Variants in CHD5 observed in about 807,000 individuals in gnomAD.
The protein encoded by CHD5 is ATP-dependent chromatin remodeler CHD5.
A neutral mutation model predicts 230.3 loss-of-function variants in CHD5; 69 were observed. The observed-to-expected ratio is 0.30, with a 90% CI of 0.25 to 0.37. The LOEUF is 0.37. Among genes scored for constraint, CHD5 ranks in the 10% least tolerant of loss-of-function variants. The pLI, the probability that CHD5 is intolerant of heterozygous loss-of-function variation, is 1.00. For missense variants in CHD5, 1,827 were observed against 2,622.8 expected, an observed-to-expected ratio of 0.70 and a Z score of 6.63; for synonymous variants, 1,064 against 1,065.9, an observed-to-expected ratio of 1.00 and a Z score of 0.03.
intron 3 of CHD5, among the ~76,000 whole-genome samples, chr1:6,156,187 G>C (rs1667078603): frequency 6.6e-6 from 1 of 152,228 alleles, no homozygotes; most frequent in Admixed American, 6.5e-5. Flanking sequence ...AAGACGGGAA[G>C]ATGTCCCTGA....
In CHD5 at chr1:6,125,360, C is replaced by T. The variant is rs1666538601; in HGVS notation, c.4261-127G>A. ...GAAGGGGGCACAGAGAAGGCAGGGG[C>T]CTCCACCTGGGGCAGGACCCTGACG... On this transcript the variant is annotated intron_variant, in intron 28 of 41. Transcript: ENST00000262450. The surrounding 1 kb of genome is among the most constrained non-coding windows in gnomAD (Gnocchi z 6.7). 1.7e-6 allele frequency: 2 copies of T among 1,204,854 alleles called. No homozygotes were observed. Among genetic ancestry groups the T allele is most frequent in the Admixed American group, 2.4e-5 (1 of 42,344 alleles). The allele number at this position is 1,204,854 out of a possible 1,614,324, so 74.6% of individuals were successfully genotyped here. A position where few individuals can be genotyped will look rare whatever the true frequency, so the allele number is the denominator to read the frequency against.
intron 2 of CHD5, among the ~76,000 whole-genome samples, chr1:6,165,785 G>A (rs1049474267): frequency 1.3e-5 from 2 of 152,114 alleles, no homozygotes; most frequent in Non-Finnish European, 2.9e-5. Flanking sequence ...TCCCAAAGGA[G>A]CTGGCTCACA....
At position 6,129,013 on chromosome 1, in the gene CHD5, G is replaced by A. The variant is rs369034540; in HGVS notation, c.3444C>T (p.Phe1148=). The A allele has an allele frequency of 3.2e-5, 52 of 1,611,438 alleles. No homozygotes were observed. Among genetic ancestry groups the A allele is most frequent in the Admixed American group, 5.0e-5 (3 of 60,008 alleles). ...GQNKKVMIYR[F]VTRASVEERI... Reference sequence around the variant, plus strand: ...GCTCCTCCACCGAGGCCCGAGTCACGAAGCGGTAGATCATCACCTTCTTGT... The same window carrying A: ...GCTCCTCCACCGAGGCCCGAGTCACAAAGCGGTAGATCATCACCTTCTTGT... The change falls in exon 23 of 42, where the codon TTC becomes TTT. Residue 1148 remains phenylalanine (F), a synonymous_variant. Coordinates refer to ENST00000262450, the MANE Select transcript of CHD5 (RefSeq NM_015557.3). This position sits in a 1 kb window ranked among gnomAD's most constrained non-coding sequence, Gnocchi z 6.8.
Position 6,143,935 on chromosome 1 carries a change from G to C in CHD5, c.1935-4C>G. ...GTCTTCTCCCAGCATCAGCTCCCTG[G>C]GAAACGGCATTGGAGGCAGGTGAGC... On this transcript the variant is annotated splice_region_variant and splice_polypyrimidine_tract_variant and intron_variant, in intron 12 of 41. Coordinates refer to ENST00000262450, the MANE Select transcript of CHD5 (RefSeq NM_015557.3). 6.2e-7 allele frequency: 1 copy of C among 1,614,084 alleles called. No homozygotes were observed. The highest frequency in any genetic ancestry group is 1.7e-4 in the Middle Eastern group (1 of 6,052).
rs1298395512 is a variant in CHD5 at position 6,109,896 on chromosome 1, T to A, written c.5477A>T (p.Asn1826Ile). ...QDPNHPAMALNARLAEVECLA... is the reference protein window; with the variant it reads ...QDPNHPAMALIARLAEVECLA... ...GCACTCCACTTCAGCCAGGCGGGCG[T>A]TGAGGGCCATGGCGGGGTGGTTGGG... The change falls in exon 38 of 42, where the codon AAC (asparagine) becomes ATC (isoleucine). Residue 1826 changes from asparagine to isoleucine, a missense_variant. Physicochemically the swap from Asn to Ile is moderately radical, Grantham distance 149. Around this residue, in one of 14 missense-constraint regions of CHD5, gnomAD observed 208 missense variants for 302.0 expected, o/e 0.69. Coordinates refer to ENST00000262450, the MANE Select transcript of CHD5 (RefSeq NM_015557.3). 6.2e-7 allele frequency: 1 copy of A among 1,612,190 alleles called. No individual in the cohort carries two copies. The highest frequency in any genetic ancestry group is 1.7e-5 in the Admixed American group (1 of 59,850).
At chr1:6,172,510 C>T (rs1165776355) in intron 1 of CHD5, among the ~76,000 whole-genome samples, 1 of 152,116 alleles carries the variant, frequency 6.6e-6, no homozygotes, top group South Asian at 2.1e-4. Context: ...TTCTTATCCC[C>T]ATCTGCAGAT....
intron 3 of CHD5, among the ~76,000 whole-genome samples, chr1:6,158,567 CA>C (rs1360500172): frequency 6.6e-6 from 1 of 152,160 alleles, no homozygotes; most frequent in Non-Finnish European, 1.5e-5. Flanking sequence ...ACCAGCTACT[CA>C]GAAGGCTAAG....
chr1:6,109,017 G>C (rs1034603586), intron 38 of CHD5, among the ~76,000 whole-genome samples: 1 of 151,978 alleles, frequency 6.6e-6, no homozygotes, highest in African/African-American at 2.4e-5. Context: ...CCGGGCACCA[G>C]GGGGTGCCCT....
rs779634462 is a variant in CHD5, at chr1:6,106,811, C to CAGGGATGGAGGGGTGG, written c.5579-48_5579-33dup. 1.0e-5 allele frequency: 15 copies of CAGGGATGGAGGGGTGG among 1,479,836 alleles called. No homozygotes were observed. In the South Asian group the frequency reaches 1.7e-4, roughly 17 times the overall value. The allele number at this position is 1,479,836 out of a possible 1,614,324, so 91.7% of individuals were successfully genotyped here. A position where few individuals can be genotyped will look rare whatever the true frequency, so the allele number is the denominator to read the frequency against. On this transcript the variant is annotated intron_variant, in intron 38 of 41. Coordinates refer to ENST00000262450, the MANE Select transcript of CHD5 (RefSeq NM_015557.3). The stretch of plus-strand genomic sequence containing the variant: ...TGGGAGGCGGAGGGATGGTAGGATG[C>CAGGGATGGAGGGGTGG]AGGGATGGAGGGGTGGAGGGATGGA...
rs1666845983 is a variant in CHD5 at position 6,142,640 on chromosome 1, ATCCTGGG to A, written c.2044-42_2044-36del. On this transcript the variant is annotated intron_variant, in intron 13 of 41. Transcript: ENST00000262450. This position sits in a 1 kb window ranked among gnomAD's most constrained non-coding sequence, Gnocchi z 5.2. Reference sequence around the variant, plus strand: ...AGGCAGCGGTTCAGACACGCCCCAGATCCTGGGCCACCAGAGTCCACACTACAGGCCT... The same window carrying A: ...AGGCAGCGGTTCAGACACGCCCCAGACCACCAGAGTCCACACTACAGGCCT... 6.3e-7 allele frequency: 1 copy of A among 1,576,896 alleles called. No homozygotes were observed. Among genetic ancestry groups the A allele is most frequent in the South Asian group, 1.2e-5 (1 of 85,214 alleles).
At position 6,151,147 on chromosome 1, in the gene CHD5, T is replaced by A. The variant is rs1401894338; in HGVS notation, c.879A>T (p.Glu293Asp). ...NKRKKGSSSEEDEREESDFDS... is the reference protein window; with the variant it reads ...NKRKKGSSSEDDEREESDFDS... ...CGAAGTCCGACTCCTCCCTCTCATC[T>A]TCTTCACTCTGCAGGGGAAGACAGG... is the stretch of plus-strand genomic sequence containing the variant. The change falls in exon 7 of 42, where the codon GAA becomes GAT. Residue 293 changes from glutamate (E) to aspartate (D), a missense_variant. Around this residue, in one of 14 missense-constraint regions of CHD5, gnomAD observed 657 missense variants for 816.4 expected, o/e 0.80. Coordinates refer to ENST00000262450, the MANE Select transcript of CHD5 (RefSeq NM_015557.3). 1 of 1,607,598 alleles carries A rather than the reference T, an allele frequency of 6.2e-7. No individual in the cohort carries two copies. Among genetic ancestry groups the A allele is most frequent in the Admixed American group, 1.7e-5 (1 of 59,534 alleles).
rs1204710985 is a variant in CHD5, at chr1:6,131,326, A to G, written c.3262+305T>C. Among the ~76,000 whole-genome samples, 1 of 152,140 alleles carries G rather than the reference A, an allele frequency of 6.6e-6. No individual in the cohort carries two copies. Among genetic ancestry groups the G allele is most frequent in the Admixed American group, 6.5e-5 (1 of 15,276 alleles). ...TCTGTACCTTCTGCCACCATTCACC[A>G]TACGGCAGGCTCTGTCCAACACCAC... On this transcript the variant is annotated intron_variant, in intron 21 of 41. Transcript: ENST00000262450. The surrounding 1 kb of genome is among the most constrained non-coding windows in gnomAD (Gnocchi z 5.0).
At position 6,106,614 on chromosome 1, in the gene CHD5, A is replaced by G; in HGVS notation, c.5742+2T>C. 6.4e-7 allele frequency: 1 copy of G among 1,567,790 alleles called. No homozygotes were observed. Among genetic ancestry groups the G allele is most frequent in the Non-Finnish European group, 8.6e-7 (1 of 1,157,138 alleles). On this transcript the variant is annotated splice_donor_variant, in intron 39 of 41. Coordinates refer to ENST00000262450, the MANE Select transcript of CHD5 (RefSeq NM_015557.3). LOFTEE classifies it high-confidence loss of function. ...GGCCGGGGCACACAGGCCGAGCCTG[A>G]CCTGCTGGATGGTGGGGTCCCCGGC...
intron 6 of CHD5, 33 bp from the exon 7 acceptor site, chr1:6,151,188 G>A: frequency 1.3e-6 from 2 of 1,581,914 alleles, no homozygotes; most frequent in African/African-American, 1.3e-5. Flanking sequence ...GTGATCCCAG[G>A]GCTTCACCCA....
rs532900817 is a variant in CHD5, at chr1:6,131,536, C to T, written c.3262+95G>A. The T allele has an allele frequency of 2.7e-4, 201 of 733,302 alleles. 2 individuals carry two copies. In the South Asian group the frequency reaches 3.2e-3, roughly 12 times the overall value. The allele number at this position is 733,302 out of a possible 1,614,324, so 45.4% of individuals were successfully genotyped here. A position where few individuals can be genotyped will look rare whatever the true frequency, so the allele number is the denominator to read the frequency against. On this transcript the variant is annotated intron_variant, in intron 21 of 41. Transcript: ENST00000262450. The surrounding 1 kb of genome is among the most constrained non-coding windows in gnomAD (Gnocchi z 5.0). ...TTTAGCTGTTTGTGAGGCTGCTCAACACAACACCAGCTGGGTGACCTGGCT... is the reference window on the plus strand; with the variant it reads ...TTTAGCTGTTTGTGAGGCTGCTCAATACAACACCAGCTGGGTGACCTGGCT...
chr1:6,107,701 GA>G (rs1666212416), intron 38 of CHD5, among the ~76,000 whole-genome samples: 1 of 145,730 alleles, frequency 6.9e-6, no homozygotes, highest in African/African-American at 2.6e-5. Flanking sequence ...ATGGAGGGAT[GA>G]TGGAGAGATG....
rs768315973 is a variant in CHD5, at chr1:6,155,573, G to A, written c.506+26C>T. ...TACCACCAGAGGATGTGCGGGCCTG[G>A]AGAACAGCCCTAGTGCCCCGCCCAC... On this transcript the variant is annotated intron_variant, in intron 4 of 41. Coordinates refer to ENST00000262450, the MANE Select transcript of CHD5 (RefSeq NM_015557.3). This position sits in a 1 kb window ranked among gnomAD's most constrained non-coding sequence, Gnocchi z 4.0. 41 of 1,579,024 alleles carry A rather than the reference G, an allele frequency of 2.6e-5. No individual in the cohort carries two copies. The South Asian group carries it at 4.4e-4, about 17-fold the overall frequency.
At chr1:6,117,639 A>G (rs565007908) in intron 33 of CHD5, among the ~76,000 whole-genome samples, 1 of 152,366 alleles carries the variant, frequency 6.6e-6, no homozygotes, top group Admixed American at 6.5e-5. Flanking sequence ...CTGAAAGGAC[A>G]TTTCTTCAAC....
In CHD5 at chr1:6,129,626, C is replaced by T. The variant is rs778211933; in HGVS notation, c.3388-557G>A. 8.5e-5 allele frequency among the ~76,000 whole-genome samples: 13 copies of T among 152,166 alleles called. No homozygotes were observed. Among genetic ancestry groups the T allele is most frequent in the Non-Finnish European group, 1.6e-4 (11 of 68,018 alleles). The stretch of plus-strand genomic sequence containing the variant: ...TGGGCGCACACACATGTGAATGAGA[C>T]ATCAATTTGTATGTGTTCCCCTACA... On this transcript the variant is annotated intron_variant, in intron 22 of 41. Transcript: ENST00000262450. The surrounding 1 kb of genome is among the most constrained non-coding windows in gnomAD (Gnocchi z 6.8).
Sources: allele counts gnomAD v4.1 joint callset (sites outside exome capture counted in the v4.1 genomes callset), GRCh38; gene constraint gnomAD v4.1.1; regional missense constraint gnomAD v4.1.1; non-coding constraint Gnocchi (gnomAD v3.1); transcripts MANE v1.5; gene names NCBI Gene and HGNC (gene_info 2026-07-23, HGNC 2026-07-21).